PSEN1: variants seen among roughly 807,000 people sequenced by gnomAD.
PSEN1 encodes presenilin 1, also known as presenilin-1.
PSEN1 carries 15 observed loss-of-function variants against 53.5 expected under a neutral mutation model. The observed-to-expected ratio is 0.28, with a 90% CI of 0.19 to 0.43. PSEN1 has a LOEUF of 0.43. Among genes scored for constraint, PSEN1 ranks in the 20% least tolerant of loss-of-function variants. The pLI is 1.00. For missense variants in PSEN1, 387 were observed against 571.2 expected, an observed-to-expected ratio of 0.68 and a Z score of 3.29; for synonymous variants, 208 against 209.8, an observed-to-expected ratio of 0.99 and a Z score of 0.08.
intron 1 of PSEN1, chr14:73,137,049 G>A: frequency 6.5e-6 from 1 of 153,816 alleles, no homozygotes. Flanking sequence ...GGGGTCTGAT[G>A]CTTTCTCCTT....
chr14:73,200,394 C>T (rs1250676341), intron 8 of PSEN1, among the ~76,000 whole-genome samples: 2 of 152,004 alleles, frequency 1.3e-5, no homozygotes. Flanking sequence ...CTCAGCCTCC[C>T]AAGTAGCTGG....
At chr14:73,177,900 T>A (rs1348349444) in intron 5 of PSEN1, among the ~76,000 whole-genome samples, 2 of 152,196 alleles carry the variant, frequency 1.3e-5, no homozygotes, top group Non-Finnish European at 2.9e-5. Context: ...TTTATGTCTT[T>A]TACCAAATTT....
chr14:73,173,726 T>A lies in PSEN1; in HGVS notation c.480+19T>A, dbSNP rs1897962954. ...CTATAAGGTGAGCATGAGACACAGA[T>A]CTTTGCTTTCCACCCTGTTCTTCTT... On this transcript the variant is annotated intron_variant, in intron 5 of 11. Coordinates refer to ENST00000324501, the MANE Select transcript of PSEN1 (RefSeq NM_000021.4). The A allele has an allele frequency of 6.2e-7, 1 of 1,613,390 alleles. No homozygotes were observed. Among genetic ancestry groups the A allele is most frequent in the African/African-American group, 1.3e-5 (1 of 74,926 alleles).
intron 3 of PSEN1, among the ~76,000 whole-genome samples, chr14:73,158,271 T>A (rs1897420195): frequency 6.7e-6 from 1 of 149,756 alleles, no homozygotes. Flanking sequence ...AGGTGTATAT[T>A]TAACTTTTTT....
rs1023265261 is a variant in PSEN1 at position 73,165,783 on chromosome 14, C to T, written c.88-5014C>T. On this transcript the variant is annotated intron_variant, in intron 3 of 11. Coordinates refer to ENST00000324501, the MANE Select transcript of PSEN1 (RefSeq NM_000021.4). ...AAAAAAAAGGTAGTGTGTGGCCGGG[C>T]GCGGTGGCTCACGCCTGTAATCCCA... Among the ~76,000 whole-genome samples, 39 of 149,384 alleles carry T rather than the reference C, an allele frequency of 2.6e-4. 1 individual carries two copies. The highest frequency in any genetic ancestry group is 9.1e-4 in the African/African-American group (37 of 40,584).
intron 3 of PSEN1, among the ~76,000 whole-genome samples, chr14:73,158,230 T>C (rs1897418993): frequency 1.3e-5 from 2 of 152,298 alleles, no homozygotes; most frequent in East Asian, 1.9e-4. Flanking sequence ...CTTGGGCAAA[T>C]ACCTAGGAGT....
intron 4 of PSEN1, 98 bp from the exon 5 acceptor site, chr14:73,173,468 T>C: frequency 6.4e-6 from 8 of 1,251,676 alleles, no homozygotes; most frequent in South Asian, 1.2e-5. Context: ...AAGATACGAA[T>C]TGAATTAAGA....
rs1314899260 is a variant in PSEN1, at chr14:73,192,807, A to G, written c.712A>G (p.Ile238Val). The change falls in exon 7 of 12, where the codon ATC becomes GTC. Residue 238 changes from isoleucine to valine, a missense_variant. Physicochemically the swap from Ile to Val is conservative, Grantham distance 29. Coordinates refer to ENST00000324501, the MANE Select transcript of PSEN1 (RefSeq NM_000021.4). ...MISALMALVF[I>V]KYLPEWTAWL... ...TAGTGCCCTCATGGCCCTGGTGTTT[A>G]TCAAGTACCTCCCTGAATGGACTGC... The G allele has an allele frequency of 6.2e-7, 1 of 1,613,926 alleles. No homozygotes were observed. The highest frequency in any genetic ancestry group is 2.2e-5 in the East Asian group (1 of 44,892).
intron 1 of PSEN1, chr14:73,147,572 C>T (rs1037102356): frequency 4.9e-6 from 1 of 204,156 alleles, no homozygotes; most frequent in Non-Finnish European, 1.0e-5. Flanking sequence ...AATCAGAAGT[C>T]ATTAAGTATC....
intron 9 of PSEN1, among the ~76,000 whole-genome samples, chr14:73,210,199 A>G (rs567154919): frequency 2.6e-5 from 4 of 152,356 alleles, no homozygotes; most frequent in South Asian, 4.1e-4. Flanking sequence ...AGGATAAATT[A>G]GTCATAGATA....
chr14:73,195,009 G>T (rs1365466317), intron 7 of PSEN1, among the ~76,000 whole-genome samples: 1 of 152,164 alleles, frequency 6.6e-6, no homozygotes, highest in Non-Finnish European at 1.5e-5. Flanking sequence ...TGAGTAATCA[G>T]TTGTGGAACT....
chr14:73,213,482 C>T (rs1464275276), intron 10 of PSEN1, among the ~76,000 whole-genome samples: 1 of 152,026 alleles, frequency 6.6e-6, no homozygotes, highest in Non-Finnish European at 1.5e-5. Context: ...TTCTCTGAAG[C>T]CAATGCAAAG....
chr14:73,154,736 C>T (rs1897311087), intron 3 of PSEN1, among the ~76,000 whole-genome samples: 1 of 152,158 alleles, frequency 6.6e-6, no homozygotes, highest in Non-Finnish European at 1.5e-5. Context: ...ACATGAACAA[C>T]TTAACTCAGT....
intron 9 of PSEN1, chr14:73,208,787 G>C (rs1255668306): frequency 2.2e-6 from 1 of 452,056 alleles, no homozygotes; most frequent in East Asian, 7.0e-5. Context: ...CTGACTTGAG[G>C]TGGTGCTTCA....
intron 3 of PSEN1, among the ~76,000 whole-genome samples, chr14:73,166,551 A>G (rs956960133): frequency 1.3e-5 from 2 of 152,254 alleles, no homozygotes; most frequent in African/African-American, 2.4e-5. Context: ...TAATCAGCCA[A>G]TCAAGTTGTT....
At chr14:73,205,411 G>A (rs12894420) in intron 8 of PSEN1, among the ~76,000 whole-genome samples, 21,438 of 150,652 alleles carry the variant, frequency 0.14, 1,787 homozygotes, top group South Asian at 0.24. Flanking sequence ...CCCAGGAGAC[G>A]GAGCTTGCAG....
chr14:73,180,109 C>T (rs1898165632), intron 5 of PSEN1, among the ~76,000 whole-genome samples: 1 of 152,052 alleles, frequency 6.6e-6, no homozygotes, highest in Non-Finnish European at 1.5e-5. Flanking sequence ...CTCAGCCTCC[C>T]AAGTAGTTGG....
intron 3 of PSEN1, among the ~76,000 whole-genome samples, chr14:73,150,401 T>C (rs1172953015): frequency 1.3e-5 from 2 of 152,206 alleles, no homozygotes; most frequent in African/African-American, 4.8e-5. Flanking sequence ...TTAATAAAAT[T>C]GAGTATTAGG....
intron 3 of PSEN1, among the ~76,000 whole-genome samples, chr14:73,164,763 A>T (rs1477032045): frequency 1.3e-5 from 2 of 152,226 alleles, no homozygotes; most frequent in Non-Finnish European, 2.9e-5. Flanking sequence ...CAAATTTCAC[A>T]CACTATGATT....
Sources: gnomAD v4.1 joint callset for allele counts (sites outside exome capture counted in the v4.1 genomes callset) on GRCh38, gnomAD v4.1.1 for gene constraint, MANE v1.5 for transcripts, NCBI Gene and HGNC (gene_info 2026-07-23, HGNC 2026-07-21) for gene names.